The following APCDD1L variants were observed in gnomAD, a reference collection of about 807,000 sequenced individuals.
APCDD1L encodes protein APCDD1-like.
In APCDD1L, 21 loss-of-function variants were observed where a neutral mutation model predicts 24.2. The observed-to-expected ratio is 0.87, with a 90% confidence interval of 0.61 to 1.25. The LOEUF is 1.25. APCDD1L is among the 50% of genes most tolerant of loss of function. The pLI is 0.00. For synonymous variants in APCDD1L, 321 were observed against 323.6 expected (o/e 0.99, Z 0.09); for missense variants, 704 against 711.7 (o/e 0.99, Z 0.12).
intron 3 of APCDD1L, among the ~76,000 whole-genome samples, chr20:58,464,667 A>G (rs1188402245): frequency 6.6e-6 from 1 of 152,226 alleles, no homozygotes; most frequent in African/African-American, 2.4e-5. Flanking sequence ...TTAGCATTCT[A>G]TATCCAGGCA....
At chr20:58,478,042 T>C (rs1028075154) in intron 1 of APCDD1L, among the ~76,000 whole-genome samples, 4 of 152,256 alleles carry the variant, frequency 2.6e-5, no homozygotes, top group Non-Finnish European at 5.9e-5. Context: ...ACTTTATCGG[T>C]TATAACACAT....
intron 1 of APCDD1L, among the ~76,000 whole-genome samples, chr20:58,481,287 G>A (rs1600857644): frequency 6.6e-6 from 1 of 152,174 alleles, no homozygotes. Flanking sequence ...AGCTTTTATT[G>A]TTCTATAGAA....
intron 1 of APCDD1L, among the ~76,000 whole-genome samples, chr20:58,501,646 G>A (rs1290126659): frequency 6.6e-6 from 1 of 152,146 alleles, no homozygotes; most frequent in Non-Finnish European, 1.5e-5. Context: ...CTCCCATCCA[G>A]TTCATCTCCA....
chr20:58,508,718 G>GAGAA lies in APCDD1L; in HGVS notation c.49+5940_49+5941insTTCT, dbSNP rs1990568834. ...AGCGATTACTGAGTACCTACTATGT[G>GAGAA]CCAGGCACTGTTCTAGGGACCCGGG... On this transcript the variant is annotated intron_variant, in intron 1 of 3. Coordinates refer to ENST00000371149, the MANE Select transcript of APCDD1L (RefSeq NM_153360.3). The surrounding 1 kb of genome is among the most constrained non-coding windows in gnomAD (Gnocchi z 4.0). 5.9e-5 allele frequency among the ~76,000 whole-genome samples: 9 copies of GAGAA among 152,322 alleles called. No individual in the cohort carries two copies. The highest frequency in any genetic ancestry group is 2.2e-4 in the African/African-American group (9 of 41,564).
chr20:58,501,503 A>G (rs1003820639), intron 1 of APCDD1L, among the ~76,000 whole-genome samples: 5 of 152,244 alleles, frequency 3.3e-5, no homozygotes, highest in African/African-American at 1.2e-4. Flanking sequence ...CAGGCTCTGC[A>G]GAAACCAACC....
rs1267415550 is a variant in APCDD1L, at chr20:58,490,307, C to T, written c.50-19560G>A. Among the ~76,000 whole-genome samples the T allele has an allele frequency of 2.0e-5, 3 of 152,200 alleles. 1 individual carries two copies. Among genetic ancestry groups the T allele is most frequent in the Admixed American group, 2.0e-4 (3 of 15,282 alleles). On this transcript the variant is annotated intron_variant, in intron 1 of 3. Coordinates refer to ENST00000371149, the MANE Select transcript of APCDD1L (RefSeq NM_153360.3). Reference sequence around the variant, plus strand: ...TTTACAACAACTTTCCCTAGACCAGCTTCTGGTTCTGCACATTTCACGCCT... The same window carrying T: ...TTTACAACAACTTTCCCTAGACCAGTTTCTGGTTCTGCACATTTCACGCCT...
Position 58,467,708 on chromosome 20 carries a change from C to T in APCDD1L, c.189-50G>A, listed in dbSNP as rs780818619. The T allele has an allele frequency of 1.4e-6, 2 of 1,399,714 alleles. No homozygotes were observed. The highest frequency in any genetic ancestry group is 5.2e-4 in the Middle Eastern group (2 of 3,824). The allele number at this position is 1,399,714 out of a possible 1,614,324, so 86.7% of individuals were successfully genotyped here. Reference sequence around the variant, plus strand: ...TGGGTGCAGAGGGAACACCGCGCCGCGAGCCCCTCTCCCCTCTGGGCTGGG... The same window carrying T: ...TGGGTGCAGAGGGAACACCGCGCCGTGAGCCCCTCTCCCCTCTGGGCTGGG... On this transcript the variant is annotated intron_variant, in intron 2 of 3. Transcript: ENST00000371149. This position sits in a 1 kb window ranked among gnomAD's most constrained non-coding sequence, Gnocchi z 5.9.
chr20:58,488,799 C>G (rs1990170451), intron 1 of APCDD1L, among the ~76,000 whole-genome samples: 1 of 151,962 alleles, frequency 6.6e-6, no homozygotes, highest in Non-Finnish European at 1.5e-5. Flanking sequence ...AGATAACCGT[C>G]CAATTTAAGA....
intron 1 of APCDD1L, among the ~76,000 whole-genome samples, chr20:58,501,375 G>T (rs1336667184): frequency 2.0e-5 from 3 of 152,080 alleles, no homozygotes; most frequent in Non-Finnish European, 4.4e-5. Flanking sequence ...CAGTCTGACT[G>T]GTGTCCCTGT....
intron 3 of APCDD1L, among the ~76,000 whole-genome samples, chr20:58,465,254 G>T (rs1456236725): frequency 6.6e-6 from 1 of 152,132 alleles, no homozygotes; most frequent in Non-Finnish European, 1.5e-5. Context: ...GTCATAAAAA[G>T]AACTCTGAGG....
In APCDD1L at chr20:58,467,332, G is replaced by A. The variant is rs764551539; in HGVS notation, c.515C>T (p.Ala172Val). The change falls in exon 3 of 4, where the codon GCG becomes GTG. Residue 172 changes from alanine to valine, a missense_variant. Transcript: ENST00000371149. This position sits in a 1 kb window ranked among gnomAD's most constrained non-coding sequence, Gnocchi z 5.9. The part of the protein sequence containing the change: ...LPPARAWLPG[A>V]LYELRSARAQ... ...CCGGGCGCTCCGCAGCTCGTACAGC[G>A]CCCCAGGCAGCCAGGCCCGGGCCGG... is the stretch of plus-strand genomic sequence containing the variant. 16 of 1,499,538 alleles carry A rather than the reference G, an allele frequency of 1.1e-5. No homozygotes were observed. In the African/African-American group the frequency reaches 1.9e-4, roughly 18 times the overall value. 92.9% of individuals were successfully genotyped at this position (1,499,538 alleles called of 1,614,324 possible).
intron 1 of APCDD1L, among the ~76,000 whole-genome samples, chr20:58,471,232 C>T (rs909944857): frequency 6.6e-6 from 1 of 152,208 alleles, no homozygotes; most frequent in African/African-American, 2.4e-5. Flanking sequence ...CTCCCCTCCA[C>T]CAAGGAGCCC....
At chr20:58,468,098 C>A (rs1989751719) in intron 2 of APCDD1L, among the ~76,000 whole-genome samples, 1 of 152,168 alleles carries the variant, frequency 6.6e-6, no homozygotes, top group African/African-American at 2.4e-5. Context: ...ACTGCCCTGA[C>A]CAGGTCTCAT....
intron 1 of APCDD1L, among the ~76,000 whole-genome samples, chr20:58,482,643 G>A (rs1174709596): frequency 6.6e-6 from 1 of 152,176 alleles, no homozygotes; most frequent in Admixed American, 6.5e-5. Flanking sequence ...CAAGATGCAC[G>A]TTTTTGGTAA....
At chr20:58,477,514 G>A (rs1222453710) in intron 1 of APCDD1L, among the ~76,000 whole-genome samples, 5 of 152,188 alleles carry the variant, frequency 3.3e-5, no homozygotes, top group Admixed American at 2.0e-4. Flanking sequence ...GGCACACCAT[G>A]GCAATCATGC....
chr20:58,501,325 T>C (rs1990433667), intron 1 of APCDD1L, among the ~76,000 whole-genome samples: 4 of 151,874 alleles, frequency 2.6e-5, no homozygotes, highest in Non-Finnish European at 4.4e-5. Flanking sequence ...TTTAAGGAGG[T>C]GATTAAGTCA....
At chr20:58,490,918 T>C (rs139096216) in intron 1 of APCDD1L, among the ~76,000 whole-genome samples, 182 of 152,342 alleles carry the variant, frequency 1.2e-3, no homozygotes, top group African/African-American at 4.2e-3. Flanking sequence ...GTAAATGGAA[T>C]GTAAAGATAA....
Position 58,467,241 on chromosome 20 carries a change from C to G in APCDD1L, c.606G>C (p.Gln202His), listed in dbSNP as rs753207775. 5.7e-6 allele frequency: 9 copies of G among 1,591,704 alleles called. No individual in the cohort carries two copies. The South Asian group carries it at 1.0e-4, about 18-fold the overall frequency. ...TMHELSLVRV[Q>H]RRLQPQPRAS... ...CCCGGGGCTGCGGCTGCAGGCGGCGCTGCACGCGGACCAGGCTGAGCTCGT... is the reference window on the plus strand; with the variant it reads ...CCCGGGGCTGCGGCTGCAGGCGGCGGTGCACGCGGACCAGGCTGAGCTCGT... The change falls in exon 3 of 4, where the codon CAG (glutamine) becomes CAC (histidine). Residue 202 changes from glutamine (Q) to histidine (H), a missense_variant. Gln to His is a conservative substitution (Grantham distance 24). Coordinates refer to ENST00000371149, the MANE Select transcript of APCDD1L (RefSeq NM_153360.3). This position sits in a 1 kb window ranked among gnomAD's most constrained non-coding sequence, Gnocchi z 5.9.
intron 1 of APCDD1L, among the ~76,000 whole-genome samples, chr20:58,491,378 A>T (rs1335037183): frequency 6.6e-6 from 1 of 152,240 alleles, no homozygotes; most frequent in Non-Finnish European, 1.5e-5. Flanking sequence ...CAGACAAATT[A>T]TTAGAAATAA....
Sources: gnomAD v4.1 joint callset for allele counts (sites outside exome capture counted in the v4.1 genomes callset) on GRCh38, gnomAD v4.1.1 for gene constraint, Gnocchi (gnomAD v3.1) non-coding constraint, MANE v1.5 for transcripts, NCBI Gene and HGNC (gene_info 2026-07-23, HGNC 2026-07-21) for gene names.